SCNN1A: variants seen among roughly 807,000 people sequenced by gnomAD.
The protein encoded by SCNN1A is sodium channel epithelial 1 subunit alpha.
A neutral mutation model predicts 68.6 loss-of-function variants in SCNN1A; 65 were observed. The ratio of observed to expected loss-of-function variants is 0.95; its 90% CI spans 0.78 to 1.16. The LOEUF (loss-of-function observed/expected upper bound fraction) is 1.16, where lower values mean the gene tolerates loss of function less well. Ranked by LOEUF, SCNN1A falls within the 50% of genes most tolerant of loss-of-function variation. The pLI, the probability that SCNN1A is intolerant of heterozygous loss-of-function variation, is 0.00. For missense variants in SCNN1A, 880 were observed against 865.9 expected (o/e 1.02, Z -0.20); for synonymous variants, 357 against 353.3 (o/e 1.01, Z -0.12).
At chr12:6,364,893 A>C (rs1948649456) in intron 2 of SCNN1A, among the ~76,000 whole-genome samples, 1 of 152,230 alleles carries the variant, frequency 6.6e-6, no homozygotes, top group South Asian at 2.1e-4. Flanking sequence ...CATCAAATAC[A>C]TAGAAATAAA....
upstream of SCNN1A, among the ~76,000 whole-genome samples, chr12:6,377,004 A>G (rs1483701345): frequency 6.6e-5 from 10 of 152,376 alleles, no homozygotes; most frequent in South Asian, 2.1e-4. Context: ...GAGATAAGAC[A>G]TAAGAGCCAA....
upstream of SCNN1A, chr12:6,376,194 C>G: frequency 1.0e-6 from 1 of 985,398 alleles, no homozygotes; most frequent in Non-Finnish European, 1.2e-6. Context: ...GAGCAGCGCA[C>G]TCAGGTGGGA....
chr12:6,364,694 A>G (rs34164551), intron 2 of SCNN1A, among the ~76,000 whole-genome samples: 57,115 of 151,604 alleles, frequency 0.38, 11,307 homozygotes, highest in African/African-American at 0.48. Context: ...CCCGGGAGAC[A>G]GAGCTTGCAG....
intron 4 of SCNN1A, chr12:6,356,200 T>C (rs1268479111): frequency 2.4e-6 from 1 of 418,078 alleles, no homozygotes; most frequent in Non-Finnish European, 4.5e-6. Flanking sequence ...CACCAGGCCA[T>C]CTGGGTTCAC....
intron 3 of SCNN1A, among the ~76,000 whole-genome samples, chr12:6,363,079 G>A (rs1948607495): frequency 6.9e-6 from 1 of 145,402 alleles, no homozygotes; most frequent in South Asian, 2.2e-4. Context: ...CCACTAGTGG[G>A]CACTGGAATT....
intron 2 of SCNN1A, among the ~76,000 whole-genome samples, chr12:6,371,519 G>A (rs1286435572): frequency 1.4e-5 from 2 of 140,150 alleles, no homozygotes; most frequent in Non-Finnish European, 3.1e-5. Context: ...CCATTGGAGC[G>A]TGGCGGGGGG....
At chr12:6,375,912 A>T, upstream of SCNN1A, 1 of 1,154,796 alleles carries the variant, frequency 8.7e-7, no homozygotes, top group Non-Finnish European at 1.1e-6. Context: ...AGAGAGGGAC[A>T]GCGAAGGACA....
upstream of SCNN1A, chr12:6,375,615 G>A (rs963164835): frequency 2.4e-6 from 2 of 821,736 alleles, no homozygotes; most frequent in Non-Finnish European, 3.8e-6. Flanking sequence ...CGGGGGGAGG[G>A]GCTGAGGAGG....
At position 6,349,037 on chromosome 12, in the gene SCNN1A, C is replaced by G. The variant is rs749924926; in HGVS notation, c.1498-32G>C. 1.6e-5 allele frequency: 26 copies of G among 1,612,584 alleles called. No individual in the cohort carries two copies. The South Asian group carries it at 2.5e-4, about 16-fold the overall frequency. The stretch of plus-strand genomic sequence containing the variant: ...AAGAATGGGGGTGTCATCAAGGTCA[C>G]TCCCATATGCTTCAGGCTTACAGGG... On this transcript the variant is annotated intron_variant, in intron 10 of 12. Coordinates refer to ENST00000228916, the MANE Select transcript of SCNN1A (RefSeq NM_001038.6).
chr12:6,359,834 G>A (rs560046007), intron 4 of SCNN1A, among the ~76,000 whole-genome samples: 13 of 136,416 alleles, frequency 9.5e-5, no homozygotes, highest in African/African-American at 3.3e-4. Context: ...GCAGTGGTGC[G>A]ATCTCGGCTC....
intron 4 of SCNN1A, among the ~76,000 whole-genome samples, chr12:6,359,164 A>G (rs1393665873): frequency 6.6e-6 from 1 of 152,222 alleles, no homozygotes; most frequent in Non-Finnish European, 1.5e-5. Flanking sequence ...TTCTAAAAAC[A>G]GGTAGTGGTA....
chr12:6,365,337 A>T (rs1948658486), intron 2 of SCNN1A, among the ~76,000 whole-genome samples: 1 of 152,178 alleles, frequency 6.6e-6, no homozygotes, highest in South Asian at 2.1e-4. Flanking sequence ...GGTATTTTTA[A>T]AGAAATTGAC....
chr12:6,374,285 C>G lies in SCNN1A; in HGVS notation c.416+83G>C. Reference sequence around the variant, plus strand: ...AGTTCCCACCCTCAGGTCTGAGGCTCTGCCTGCCCAGTGAGCACCTCAGCA... The same window carrying G: ...AGTTCCCACCCTCAGGTCTGAGGCTGTGCCTGCCCAGTGAGCACCTCAGCA... On this transcript the variant is annotated intron_variant, in intron 2 of 12. Transcript: ENST00000228916. This position sits in a 1 kb window ranked among gnomAD's most constrained non-coding sequence, Gnocchi z 6.2. The G allele has an allele frequency of 6.9e-7, 1 of 1,459,196 alleles. No homozygotes were observed. The highest frequency in any genetic ancestry group is 1.8e-4 in the Middle Eastern group (1 of 5,628). The allele number at this position is 1,459,196 out of a possible 1,614,324, so 90.4% of individuals were successfully genotyped here.
chr12:6,377,073 T>G, upstream of SCNN1A: 1 of 550,390 alleles, frequency 1.8e-6, no homozygotes, highest in Non-Finnish European at 3.2e-6. Context: ...CCAGAGAAGG[T>G]GTCATCTCTG....
upstream of SCNN1A, among the ~76,000 whole-genome samples, chr12:6,376,844 G>A (rs1948921609): frequency 6.6e-6 from 1 of 152,214 alleles, no homozygotes; most frequent in Non-Finnish European, 1.5e-5. Context: ...CCCTCCACAA[G>A]CCAGCAGACA....
At position 6,374,831 on chromosome 12, in the gene SCNN1A, T is replaced by C. The variant is rs150809388; in HGVS notation, c.-48A>G. 2,011 of 1,614,058 alleles carry C rather than the reference T, an allele frequency of 1.2e-3. 18 individuals are homozygous for C. The African/African-American group carries it at 0.023, about 19-fold the overall frequency. On this transcript the variant is annotated 5_prime_UTR_variant, in exon 2 of 13. Transcript: ENST00000228916. This position sits in a 1 kb window ranked among gnomAD's most constrained non-coding sequence, Gnocchi z 6.2. Reference sequence around the variant, plus strand: ...GGTCTAGGGTCCTGCTCCTCCAGCTTGTTCCCCTTCATGAGCCCCGGAGTG... The same window carrying C: ...GGTCTAGGGTCCTGCTCCTCCAGCTCGTTCCCCTTCATGAGCCCCGGAGTG...
At chr12:6,354,102 G>A (rs914298030) in intron 8 of SCNN1A, among the ~76,000 whole-genome samples, 1 of 151,844 alleles carries the variant, frequency 6.6e-6, no homozygotes, top group African/African-American at 2.4e-5. Context: ...GTGGTGGCGG[G>A]TGCCTGTAGT....
intron 8 of SCNN1A, among the ~76,000 whole-genome samples, chr12:6,352,064 G>C: frequency 6.6e-6 from 1 of 152,042 alleles, no homozygotes; most frequent in South Asian, 2.1e-4. Flanking sequence ...GTGAGTACAG[G>C]GTTTCTTTTG....
intron 4 of SCNN1A, among the ~76,000 whole-genome samples, chr12:6,359,038 A>C (rs540976012): frequency 0.014 from 2,191 of 152,290 alleles, 37 homozygotes; most frequent in Non-Finnish European, 0.016. Flanking sequence ...AATGTCCACC[A>C]CAGGCAATCC....
Sources: gnomAD v4.1 joint callset for allele counts (sites outside exome capture counted in the v4.1 genomes callset) on GRCh38, gnomAD v4.1.1 for gene constraint, Gnocchi (gnomAD v3.1) non-coding constraint, MANE v1.5 for transcripts, NCBI Gene and HGNC (gene_info 2026-07-23, HGNC 2026-07-21) for gene names.